The following CERK variants were observed in gnomAD, a reference collection of about 807,000 sequenced individuals.
The protein encoded by CERK is acylsphingosine kinase.
A neutral mutation model predicts 63.4 loss-of-function variants in CERK; 39 were observed. The ratio of observed to expected loss-of-function variants is 0.61; its 90% CI spans 0.48 to 0.80. The LOEUF (loss-of-function observed/expected upper bound fraction) is 0.80. CERK is among the 30% of genes least tolerant of loss of function. CERK has a pLI of 0.00. For synonymous variants in CERK, 302 were observed against 280.0 expected (o/e 1.08, Z -0.78); for missense variants, 670 against 714.1 (o/e 0.94, Z 0.70).
Position 46,720,906 on chromosome 22 carries a change from A to G in CERK, c.252T>C (p.Phe84=), listed in dbSNP as rs2082888841. The G allele has an allele frequency of 1.3e-6, 2 of 1,595,942 alleles. No individual in the cohort carries two copies. The highest frequency in any genetic ancestry group is 1.3e-5 in the African/African-American group (1 of 74,630). Residue 84 remains phenylalanine, a synonymous_variant, in exon 2 of 13, where the codon TTT becomes TTC. Coordinates refer to ENST00000216264, the MANE Select transcript of CERK (RefSeq NM_022766.6). The part of the protein sequence containing the change: ...KWQKMEKPYA[F]TVHCVKRARR... ...GAAGACATTTAGGCTTATCACCTGT[A>G]AAAGCGTAAGGCTTTTCCATTTTCT... is the stretch of plus-strand genomic sequence containing the variant.
intron 8 of CERK, among the ~76,000 whole-genome samples, chr22:46,696,774 G>A (rs1007174944): frequency 8.5e-5 from 13 of 152,132 alleles, no homozygotes; most frequent in African/African-American, 2.7e-4. Flanking sequence ...CTCCTGCCTC[G>A]GGGCTCTCAT....
intron 6 of CERK, 126 bp from the exon 7 acceptor site, chr22:46,701,836 T>C (rs1244342425): frequency 7.9e-6 from 5 of 635,320 alleles, no homozygotes; most frequent in Admixed American, 3.2e-5. Flanking sequence ...AAGGAATAAA[T>C]AGAATTTACC....
At chr22:46,735,246 C>T (rs1008392319) in intron 1 of CERK, 2 of 152,284 alleles carry the variant, frequency 1.3e-5, no homozygotes, top group African/African-American at 4.8e-5. Context: ...TCGTCCTGCC[C>T]TACTTCCCAC....
chr22:46,733,380 G>A (rs921393930), intron 1 of CERK, among the ~76,000 whole-genome samples: 5 of 150,798 alleles, frequency 3.3e-5, no homozygotes, highest in Admixed American at 1.3e-4. Context: ...TGCAACCTCC[G>A]CCTCCCAGGT....
chr22:46,737,866 C>T, intron 1 of CERK, 141 bp downstream of exon 1: 1 of 475,154 alleles, frequency 2.1e-6, no homozygotes. Context: ...GCCCCGACCC[C>T]TCCCTGGCGC....
intron 1 of CERK, among the ~76,000 whole-genome samples, chr22:46,732,630 T>C (rs2082950957): frequency 6.6e-6 from 1 of 151,930 alleles, no homozygotes; most frequent in Non-Finnish European, 1.5e-5. Context: ...CCAGATTACT[T>C]TCCAAAAACA....
chr22:46,732,806 T>C (rs2082951888), intron 1 of CERK, among the ~76,000 whole-genome samples: 1 of 152,166 alleles, frequency 6.6e-6, no homozygotes, highest in Non-Finnish European at 1.5e-5. Context: ...CAGCATCCAC[T>C]TCCGAATGTT....
intron 7 of CERK, 96 bp downstream of exon 7, chr22:46,701,540 A>C (rs1432044154): frequency 9.5e-7 from 1 of 1,048,328 alleles, no homozygotes; most frequent in Non-Finnish European, 1.4e-6. Flanking sequence ...ACAGGACGGC[A>C]ACGGCTGGAA....
At position 46,717,513 on chromosome 22, in the gene CERK, G is replaced by A. The variant is rs572851899; in HGVS notation, c.379+2573C>T. On this transcript the variant is annotated intron_variant, in intron 3 of 12. Transcript: ENST00000216264. ...TTTATGCAAGACTACTCGCCACCACGGTGGAAAACAGCGTGGAAAACTTCA... is the reference window on the plus strand; with the variant it reads ...TTTATGCAAGACTACTCGCCACCACAGTGGAAAACAGCGTGGAAAACTTCA... 6.6e-5 allele frequency among the ~76,000 whole-genome samples: 10 copies of A among 152,352 alleles called. 1 individual carries two copies. The East Asian group carries it at 7.7e-4, about 12-fold the overall frequency.
chr22:46,691,003 A>ATGTATATACACATATATG (rs1569318240), intron 11 of CERK, among the ~76,000 whole-genome samples: 4 of 151,372 alleles, frequency 2.6e-5, no homozygotes, highest in African/African-American at 9.8e-5. Flanking sequence ...ATGTATGTGT[A>ATGTATATACACATATATG]TGTATATACA....
At chr22:46,723,771 C>T (rs548191949) in intron 1 of CERK, among the ~76,000 whole-genome samples, 3 of 151,708 alleles carry the variant, frequency 2.0e-5, no homozygotes, top group East Asian at 2.0e-4. Context: ...GATCTTGGCT[C>T]GCTGCAACCT....
At chr22:46,709,580 G>C (rs801729) in intron 5 of CERK, among the ~76,000 whole-genome samples, 8,720 of 152,278 alleles carry the variant, frequency 0.057, 274 homozygotes, top group Middle Eastern at 0.088. Flanking sequence ...CCAGCAGAGT[G>C]CTGGGACCTG....
In CERK at chr22:46,738,132, GC is replaced by G. The variant is rs1221110534; in HGVS notation, c.16del (p.Ala6ArgfsTer11). 9 of 1,213,892 alleles carry G rather than the reference GC, an allele frequency of 7.4e-6. No individual in the cohort carries two copies. The South Asian group carries it at 1.3e-4, about 17-fold the overall frequency. 75.2% of individuals were successfully genotyped at this position (1,213,892 alleles called of 1,614,324 possible). A position where few individuals can be genotyped will look rare whatever the true frequency, so the allele number is the denominator to read the frequency against. On this transcript the variant is annotated frameshift_variant, in exon 1 of 13. Coordinates refer to ENST00000216264, the MANE Select transcript of CERK (RefSeq NM_022766.6). LOFTEE classifies it high-confidence loss of function. ...CAGCACGGATTGCAGCGGCTCCGCC[GC>G]CCCCGTCGCCCCCATCTCCGCCGCC... The part of the protein sequence containing the change: MGATG[A>X]AEPLQSVLWV...
rs375790664 is a variant in CERK at position 46,707,354 on chromosome 22, C to T, written c.715+489G>A. On this transcript the variant is annotated intron_variant, in intron 6 of 12. Coordinates refer to ENST00000216264, the MANE Select transcript of CERK (RefSeq NM_022766.6). ...GGATGTTGAATGGACCAAGCCGAAC[C>T]AGCACTTCAGGACACAGCCCAGCTG... is the stretch of plus-strand genomic sequence containing the variant. Among the ~76,000 whole-genome samples the T allele has an allele frequency of 7.9e-5, 12 of 152,306 alleles. No individual in the cohort carries two copies. In the East Asian group the frequency reaches 2.3e-3, roughly 29 times the overall value.
Position 46,690,054 on chromosome 22 carries a change from G to A in CERK, c.1479C>T (p.Thr493=), listed in dbSNP as rs759024867. ...ICSSHPSCCC[T]VSNSSWNCDG... ...CGCAGTTCCAGGAGCTGTTGGAGAC[G>A]GTGCAGCAGCAGGAGGGGTGGCTGC... Residue 493 remains threonine, a synonymous_variant, in exon 12 of 13, where the codon ACC becomes ACT. Transcript: ENST00000216264. 9.9e-6 allele frequency: 16 copies of A among 1,613,436 alleles called. No individual in the cohort carries two copies. The East Asian group carries it at 1.1e-4, about 11-fold the overall frequency.
Position 46,693,463 on chromosome 22 carries a change from C to G in CERK, c.1090G>C (p.Glu364Gln), listed in dbSNP as rs891971489. The G allele has an allele frequency of 1.9e-6, 3 of 1,614,034 alleles. No individual in the cohort carries two copies. The highest frequency in any genetic ancestry group is 1.3e-5 in the African/African-American group (1 of 74,926). ...CRQSKQQLEE[E>Q]QKKALYGLEA... ...AAACCATACAGTGCTTTCTTCTGCTCCTCCTCCAGCTGCTGCTTGCTTTGC... is the reference window on the plus strand; with the variant it reads ...AAACCATACAGTGCTTTCTTCTGCTGCTCCTCCAGCTGCTGCTTGCTTTGC... Residue 364 changes from glutamate to glutamine, a missense_variant, in exon 10 of 13, where the codon GAG becomes CAG. Transcript: ENST00000216264.
chr22:46,713,631 C>T (rs1008023151), intron 3 of CERK, among the ~76,000 whole-genome samples: 2 of 151,966 alleles, frequency 1.3e-5, no homozygotes, highest in African/African-American at 2.4e-5. Flanking sequence ...AAGAAGAAAT[C>T]GAGACGCAGT....
chr22:46,726,258 T>C (rs2082917673), intron 1 of CERK, among the ~76,000 whole-genome samples: 1 of 152,200 alleles, frequency 6.6e-6, no homozygotes. Flanking sequence ...AGTTCCCAGC[T>C]AAGAGCACAG....
At chr22:46,727,760 G>A (rs568257305) in intron 1 of CERK, among the ~76,000 whole-genome samples, 14 of 152,200 alleles carry the variant, frequency 9.2e-5, no homozygotes, top group South Asian at 4.1e-4. Flanking sequence ...AGGACCACCC[G>A]GTGACCACCC....
Sources: gnomAD v4.1 joint callset for allele counts (sites outside exome capture counted in the v4.1 genomes callset) on GRCh38, gnomAD v4.1.1 for gene constraint, MANE v1.5 for transcripts, NCBI Gene and HGNC (gene_info 2026-07-23, HGNC 2026-07-21) for gene names.